The following DUS3L variants were observed in gnomAD, a reference collection of about 807,000 sequenced individuals.
The protein encoded by DUS3L is dihydrouridine synthase 3 like.
Under a neutral mutation model 74.6 loss-of-function variants are expected in DUS3L, and 62 were observed. The observed-to-expected ratio is 0.83, with a 90% CI of 0.68 to 1.03. DUS3L has a LOEUF of 1.03. Ranked by LOEUF, DUS3L falls within the 50% of genes least tolerant of loss-of-function variation. The pLI, the probability that DUS3L is intolerant of heterozygous loss-of-function variation, is 0.00. For synonymous variants in DUS3L, 433 were observed against 395.7 expected, an observed-to-expected ratio of 1.09 and a Z score of -1.12; for missense variants, 884 against 924.4, an observed-to-expected ratio of 0.96 and a Z score of 0.57.
Position 5,789,210 on chromosome 19 carries a change from C to A in DUS3L, c.897G>T (p.Lys299Asn). The A allele has an allele frequency of 6.5e-7, 1 of 1,533,026 alleles. No individual in the cohort carries two copies. 95.0% of individuals were successfully genotyped at this position (1,533,026 alleles called of 1,614,324 possible). Residue 299 changes from lysine to asparagine, a missense_variant, in exon 3 of 13, where the codon AAG (lysine) becomes AAT (asparagine). By Grantham distance (94) the Lys-to-Asn change is moderately conservative. Coordinates refer to ENST00000309061, the MANE Select transcript of DUS3L (RefSeq NM_020175.3). ...TGACGTTGTCCTCAACACGTACCCG[C>A]TTCTTCTCACAGGGCCGCAGCCTGA... ...DVVRLRPCEKKRLDIRGKLYL... is the reference protein window; with the variant it reads ...DVVRLRPCEKNRLDIRGKLYL...
chr19:5,788,419 A>G (rs1223972343), intron 3 of DUS3L, 21 bp from the exon 4 acceptor site: 1 of 1,609,424 alleles, frequency 6.2e-7, no homozygotes, highest in South Asian at 1.1e-5. Context: ...AAAAATACAC[A>G]CAAGTGGAGC....
At chr19:5,786,621 G>A in intron 9 of DUS3L, 79 bp from the exon 10 acceptor site, 2 of 1,582,376 alleles carry the variant, frequency 1.3e-6, no homozygotes, top group Middle Eastern at 3.4e-4. Context: ...CCCTTCAGGA[G>A]TTTTGGCTGA....
rs2056843388 is a variant in DUS3L at position 5,786,494 on chromosome 19, G to C, written c.1535C>G (p.Thr512Ser). Residue 512 changes from threonine to serine, a missense_variant, in exon 10 of 13, where the codon ACT becomes AGT. Transcript: ENST00000309061. ...GGCAATCATGATCCCGGTGACACCA[G>C]TCTGCATGGCGCGGTTGGCATCCTC... is the stretch of plus-strand genomic sequence containing the variant. ...SFEDANRAMQ[T>S]GVTGIMIARG... The C allele has an allele frequency of 6.2e-7, 1 of 1,612,988 alleles. No homozygotes were observed.
At position 5,789,498 on chromosome 19, in the gene DUS3L, G is replaced by T. The variant is rs959880120; in HGVS notation, c.609C>A (p.Pro203=). 1.9e-6 allele frequency: 3 copies of T among 1,605,204 alleles called. No homozygotes were observed. In the South Asian group the frequency reaches 3.3e-5, roughly 18 times the overall value. The part of the protein sequence containing the change: ...QEELAARGTQ[P]PSIRNGLDKA... ...TGTCCAGGCCGTTGCGGATGGACGGGGGCTGGGTCCCGCGGGCCGCCAACT... is the reference window on the plus strand; with the variant it reads ...TGTCCAGGCCGTTGCGGATGGACGGTGGCTGGGTCCCGCGGGCCGCCAACT... Residue 203 remains proline (P), a synonymous_variant, in exon 3 of 13, where the codon CCC becomes CCA. Transcript: ENST00000309061.
intron 3 of DUS3L, among the ~76,000 whole-genome samples, chr19:5,788,822 T>G (rs2056880516): frequency 6.6e-6 from 1 of 151,622 alleles, no homozygotes; most frequent in Non-Finnish European, 1.5e-5. Context: ...TTCTCCTGCC[T>G]CAGCCTCCTG....
Position 5,790,278 on chromosome 19 carries a change from C to G in DUS3L, c.156G>C (p.Lys52Asn), listed in dbSNP as rs1210867639. 1 of 1,614,160 alleles carries G rather than the reference C, an allele frequency of 6.2e-7. No individual in the cohort carries two copies. Among genetic ancestry groups the G allele is most frequent in the Non-Finnish European group, 8.5e-7 (1 of 1,180,030 alleles). The change falls in exon 2 of 13, where the codon AAG (lysine) becomes AAC (asparagine). Residue 52 changes from lysine (K) to asparagine (N), a missense_variant. Lys to Asn is a moderately conservative substitution (Grantham distance 94). Transcript: ENST00000309061. ...HQFLEAKGQE[K>N]TCRETEVGDP... ...CTCCTACCTCGGTTTCCCGGCAAGT[C>G]TTCTCCTGCCCTTTGGCTTCCAGGA...
In DUS3L at chr19:5,786,774, C is replaced by G. The variant is rs1296230390; in HGVS notation, c.1461G>C (p.Gln487His). 6.2e-7 allele frequency: 1 copy of G among 1,612,088 alleles called. No individual in the cohort carries two copies. Among genetic ancestry groups the G allele is most frequent in the Non-Finnish European group, 8.5e-7 (1 of 1,179,838 alleles). The change falls in exon 9 of 13, where the codon CAG becomes CAC. Residue 487 changes from glutamine to histidine, a missense_variant. By Grantham distance (24) the Gln-to-His change is conservative (BLOSUM62 0). Transcript: ENST00000309061. Reference sequence around the variant, plus strand: ...CGAACAGGGGCATGGGGCTGGCGGCCTGCACGCACTCCTCGATGTACTGCC... The same window carrying G: ...CGAACAGGGGCATGGGGCTGGCGGCGTGCACGCACTCCTCGATGTACTGCC... The part of the protein sequence containing the change: ...ADWQYIEECV[Q>H]AASPMPLFGN...
chr19:5,787,504 C>A lies in DUS3L; in HGVS notation c.1212+85G>T, dbSNP rs2056865436. ...CAGGGCCACACTTGAGCCCAAACCC[C>A]TGACCCTCCACCGAGACATCGCCGG... On this transcript the variant is annotated intron_variant, in intron 6 of 12. Coordinates refer to ENST00000309061, the MANE Select transcript of DUS3L (RefSeq NM_020175.3). 2.9e-5 allele frequency: 45 copies of A among 1,548,394 alleles called. 1 individual carries two copies. The South Asian group carries it at 3.5e-4, about 12-fold the overall frequency.
chr19:5,787,549 C>A (rs748780744), intron 6 of DUS3L, 40 bp downstream of exon 6: 12 of 1,602,040 alleles, frequency 7.5e-6, no homozygotes, highest in Non-Finnish European at 1.0e-5. Context: ...TGCCTCCCTG[C>A]CCAGATGGGG....
intron 3 of DUS3L, among the ~76,000 whole-genome samples, chr19:5,788,944 T>A (rs564327171): frequency 2.4e-4 from 36 of 152,306 alleles, no homozygotes; most frequent in African/African-American, 8.7e-4. Flanking sequence ...CGACTTCAAA[T>A]GATCTGCCTG....
At chr19:5,790,979 A>C in intron 1 of DUS3L, 65 bp downstream of exon 1, 1 of 1,484,200 alleles carries the variant, frequency 6.7e-7, no homozygotes, top group Admixed American at 2.0e-5. Context: ...CGGCATGCAC[A>C]GCTCGGACCG....
intron 8 of DUS3L, 87 bp from the exon 9 acceptor site, chr19:5,786,932 G>A (rs2056849072): frequency 6.6e-7 from 1 of 1,504,848 alleles, no homozygotes; most frequent in East Asian, 2.4e-5. Context: ...GAGAGAGACA[G>A]AGAGAGACAC....
Position 5,788,046 on chromosome 19 carries a change from C to T in DUS3L, c.1073G>A (p.Cys358Tyr), listed in dbSNP as rs1346378448. Residue 358 changes from cysteine (C) to tyrosine (Y), a missense_variant, in exon 5 of 13, where the codon TGT becomes TAT. By Grantham distance (194) the Cys-to-Tyr change is radical (BLOSUM62 -2). Coordinates refer to ENST00000309061, the MANE Select transcript of DUS3L (RefSeq NM_020175.3). ...SEWALLKRHQ[C>Y]EDIFGVQLEG... ...GACCTGGACGCCAAAGATGTCCTCA[C>T]ACTGGTGGCGTTTGAGTAGGGCCCA... 1.3e-5 allele frequency: 21 copies of T among 1,613,462 alleles called. No individual in the cohort carries two copies. Among genetic ancestry groups the T allele is most frequent in the Non-Finnish European group, 1.6e-5 (19 of 1,180,016 alleles).
At chr19:5,787,231 G>GGTAGTGGGAGACAGTGGCAGACA (rs2056861212) in intron 7 of DUS3L, 60 bp from the exon 8 acceptor site, 2 of 1,555,702 alleles carry the variant, frequency 1.3e-6, no homozygotes, top group Middle Eastern at 1.8e-4. Context: ...GACGGTGGGA[G>GGTAGTGGGAGACAGTGGCAGACA]GTGGTGGGAG....
At position 5,785,469 on chromosome 19, in the gene DUS3L, G is replaced by C. The variant is rs2056832111; in HGVS notation, c.1794C>G (p.Ile598Met). 9 of 1,583,692 alleles carry C rather than the reference G, an allele frequency of 5.7e-6. No homozygotes were observed. Among genetic ancestry groups the C allele is most frequent in the Non-Finnish European group, 7.7e-6 (9 of 1,165,044 alleles). ...CCAGGTAGTAGGGCGGCCGCTCGTTGATCCTCTGTGGGAGCCGCTCCAGCA... is the reference window on the plus strand; with the variant it reads ...CCAGGTAGTAGGGCGGCCGCTCGTTCATCCTCTGTGGGAGCCGCTCCAGCA... ...VGLLERLPQR[I>M]NERPPYYLGR... Residue 598 changes from isoleucine to methionine, a missense_variant, in exon 12 of 13, where the codon ATC becomes ATG. Coordinates refer to ENST00000309061, the MANE Select transcript of DUS3L (RefSeq NM_020175.3).
chr19:5,786,613 C>G (rs933013758), intron 9 of DUS3L, 71 bp from the exon 10 acceptor site: 2 of 1,587,622 alleles, frequency 1.3e-6, no homozygotes, highest in African/African-American at 2.7e-5. Flanking sequence ...CTCACCAGCC[C>G]TTCAGGAGTT....
At chr19:5,790,419 T>C in intron 1 of DUS3L, 84 bp from the exon 2 acceptor site, 1 of 1,534,456 alleles carries the variant, frequency 6.5e-7, no homozygotes, top group Non-Finnish European at 8.9e-7. Context: ...TTGCACGTCC[T>C]TAAATCCTTC....
intron 9 of DUS3L, 58 bp downstream of exon 9, chr19:5,786,691 G>A (rs1599617918): frequency 6.3e-7 from 1 of 1,592,744 alleles, no homozygotes; most frequent in Non-Finnish European, 8.5e-7. Context: ...GAACAGCCCA[G>A]AGGTGTGAGT....
intron 10 of DUS3L, 159 bp from the exon 11 acceptor site, chr19:5,785,950 C>T (rs1599616793): frequency 3.9e-6 from 3 of 778,170 alleles, no homozygotes; most frequent in Non-Finnish European, 5.8e-6. Flanking sequence ...AAGCACAGGA[C>T]TTTCTTTTGT....
Sources: allele counts gnomAD v4.1 joint callset (sites outside exome capture counted in the v4.1 genomes callset), GRCh38; gene constraint gnomAD v4.1.1; transcripts MANE v1.5; gene names NCBI Gene and HGNC (gene_info 2026-07-23, HGNC 2026-07-21).